The following FBXO21 variants were observed in gnomAD, a reference collection of about 807,000 sequenced individuals.
FBXO21 encodes F-box protein 21.
Under a neutral mutation model 76.6 loss-of-function variants are expected in FBXO21, and 32 were observed. The ratio of observed to expected loss-of-function variants is 0.42; its 90% CI spans 0.32 to 0.56. The LOEUF (loss-of-function observed/expected upper bound fraction) is 0.56. Among genes scored for constraint, FBXO21 ranks in the 20% least tolerant of loss-of-function variants. The probability of loss-of-function intolerance (pLI) is 0.16; values close to 1 mark genes in which losing one functional copy is unlikely to be tolerated. For missense variants in FBXO21, 586 were observed against 797.3 expected, an observed-to-expected ratio of 0.73 and a Z score of 3.19; for synonymous variants, 328 against 311.5, an observed-to-expected ratio of 1.05 and a Z score of -0.56.
At chr12:117,179,305 C>A (rs922950944) in intron 3 of FBXO21, among the ~76,000 whole-genome samples, 30 of 152,150 alleles carry the variant, frequency 2.0e-4, no homozygotes, top group Admixed American at 2.0e-3. Flanking sequence ...CCCTCCGGGG[C>A]CCCCCGCAAC....
At chr12:117,181,599 GTCTATCTATCTATCTATCTA>G (rs1555242788) in intron 3 of FBXO21, among the ~76,000 whole-genome samples, 1 of 145,536 alleles carries the variant, frequency 6.9e-6, no homozygotes, top group African/African-American at 2.5e-5. Flanking sequence ...ATCTGAGACA[GTCTATCTATCTATCTATCTA>G]TCTATCTATC....
intron 3 of FBXO21, among the ~76,000 whole-genome samples, chr12:117,178,758 C>A (rs1956200688): frequency 6.6e-6 from 1 of 151,974 alleles, no homozygotes; most frequent in African/African-American, 2.4e-5. Context: ...TGAGTAAGGC[C>A]CCCTACATTA....
rs1176787945 is a variant in FBXO21, at chr12:117,145,398, G to A, written c.*689C>T. 1 of 151,802 alleles carries A rather than the reference G, an allele frequency of 6.6e-6. No individual in the cohort carries two copies. The highest frequency in any genetic ancestry group is 1.5e-5 in the Non-Finnish European group (1 of 67,986). 9.4% of individuals were successfully genotyped at this position (151,802 alleles called of 1,614,324 possible). On this transcript the variant is annotated 3_prime_UTR_variant, in exon 12 of 12. Transcript: ENST00000622495. The stretch of plus-strand genomic sequence containing the variant: ...TAGAAAACTAATGATTTATAGAGAT[G>A]TGCATAAACTCAAGAGAGGAATATG...
chr12:117,149,426 T>C (rs1276151532), intron 11 of FBXO21, among the ~76,000 whole-genome samples: 1 of 152,124 alleles, frequency 6.6e-6, no homozygotes, highest in Non-Finnish European at 1.5e-5. Flanking sequence ...AAACAGGACA[T>C]AGGTATCTGA....
intron 11 of FBXO21, 89 bp downstream of exon 11, chr12:117,155,701 GC>G: frequency 7.2e-7 from 1 of 1,397,648 alleles, no homozygotes; most frequent in Non-Finnish European, 9.7e-7. Context: ...GGAACCGATG[GC>G]CCACGCCCAC....
chr12:117,183,846 T>C (rs1287308671), intron 3 of FBXO21, among the ~76,000 whole-genome samples: 1 of 152,240 alleles, frequency 6.6e-6, no homozygotes, highest in East Asian at 1.9e-4. Context: ...TTTCATCCTT[T>C]GGAAAAATGT....
At position 117,190,262 on chromosome 12, in the gene FBXO21, C is replaced by T. The variant is rs1375572789; in HGVS notation, c.195G>A (p.Leu65=). Reference sequence around the variant, plus strand: ...TCCACACCTTCCCGCTGCTCTGGCACAGCTCGCGCAGCCGCCGGCAGGTGC... The same window carrying T: ...TCCACACCTTCCCGCTGCTCTGGCATAGCTCGCGCAGCCGCCGGCAGGTGC... ...VSSTCRRLRE[L]CQSSGKVWKE... is the part of the protein sequence containing the mutation. The change falls in exon 1 of 12, where the codon CTG becomes CTA. Residue 65 remains leucine, a synonymous_variant. Transcript: ENST00000622495. The T allele has an allele frequency of 2.6e-6, 4 of 1,545,930 alleles. No homozygotes were observed. The highest frequency in any genetic ancestry group is 3.5e-6 in the Non-Finnish European group (4 of 1,156,494).
chr12:117,180,614 C>T lies in FBXO21; in HGVS notation c.471-2973G>A, dbSNP rs1470535396. On this transcript the variant is annotated intron_variant, in intron 3 of 11. Transcript: ENST00000622495. ...CACACCAGCCCTCAGAATAACAAGA[C>T]TAATGTTTTCATCACTTTTTTTTTT... 2.6e-5 allele frequency among the ~76,000 whole-genome samples: 4 copies of T among 151,944 alleles called. No individual in the cohort carries two copies. In the South Asian group the frequency reaches 6.4e-4, roughly 24 times the overall value.
At chr12:117,162,576 G>A (rs1362503228) in intron 9 of FBXO21, among the ~76,000 whole-genome samples, 3 of 152,136 alleles carry the variant, frequency 2.0e-5, no homozygotes, top group Non-Finnish European at 4.4e-5. Flanking sequence ...CCATACAGCC[G>A]TCATAACCCT....
At chr12:117,168,335 C>A (rs1046447134) in intron 7 of FBXO21, among the ~76,000 whole-genome samples, 1 of 152,078 alleles carries the variant, frequency 6.6e-6, no homozygotes, top group Non-Finnish European at 1.5e-5. Context: ...ACCATCCTGG[C>A]CAACATTGTG....
At chr12:117,177,085 G>A (rs1956183651) in intron 4 of FBXO21, among the ~76,000 whole-genome samples, 1 of 152,086 alleles carries the variant, frequency 6.6e-6, no homozygotes, top group South Asian at 2.1e-4. Flanking sequence ...TTTCATTACG[G>A]ACAAGCAGAC....
At position 117,163,504 on chromosome 12, in the gene FBXO21, G is replaced by A. The variant is rs143569602; in HGVS notation, c.1326+1981C>T. On this transcript the variant is annotated intron_variant, in intron 9 of 11. Coordinates refer to ENST00000622495, the MANE Select transcript of FBXO21 (RefSeq NM_015002.3). Reference sequence around the variant, plus strand: ...GCCAAGATTGCGCCACTGCACTCCAGCCTGGGCAAGAGAGTGAGACTGTCT... The same window carrying A: ...GCCAAGATTGCGCCACTGCACTCCAACCTGGGCAAGAGAGTGAGACTGTCT... 5.3e-3 allele frequency among the ~76,000 whole-genome samples: 802 copies of A among 152,334 alleles called. 5 individuals are homozygous for A. Among genetic ancestry groups the A allele is most frequent in the African/African-American group, 0.018 (743 of 41,576 alleles).
chr12:117,149,769 C>A (rs934880849), intron 11 of FBXO21, among the ~76,000 whole-genome samples: 1 of 152,172 alleles, frequency 6.6e-6, no homozygotes, highest in Non-Finnish European at 1.5e-5. Context: ...TATGTATTAT[C>A]GAGGGACAGC....
chr12:117,178,566 C>T (rs1369066392), intron 3 of FBXO21, among the ~76,000 whole-genome samples: 3 of 152,072 alleles, frequency 2.0e-5, no homozygotes, highest in Non-Finnish European at 2.9e-5. Flanking sequence ...ACTCTCGCCC[C>T]ATTACCTCTC....
chr12:117,173,357 T>C (rs1461171309), intron 6 of FBXO21, among the ~76,000 whole-genome samples: 1 of 152,188 alleles, frequency 6.6e-6, no homozygotes, highest in Non-Finnish European at 1.5e-5. Flanking sequence ...CTGCCTGGCC[T>C]GTTACAGGAA....
chr12:117,174,575 T>A, intron 5 of FBXO21, 76 bp downstream of exon 5: 1 of 1,524,684 alleles, frequency 6.6e-7, no homozygotes, highest in Non-Finnish European at 9.0e-7. Flanking sequence ...GGCAGCACAC[T>A]AACAAATCTC....
At chr12:117,159,141 A>G (rs1200777627) in intron 9 of FBXO21, among the ~76,000 whole-genome samples, 1 of 152,170 alleles carries the variant, frequency 6.6e-6, no homozygotes, top group Non-Finnish European at 1.5e-5. Context: ...AGTTTTATGC[A>G]CCATGTTATT....
chr12:117,158,519 G>GA (rs543350193), intron 9 of FBXO21, among the ~76,000 whole-genome samples: 12 of 151,030 alleles, frequency 7.9e-5, no homozygotes, highest in South Asian at 4.2e-4. Context: ...ATTCAGAGGG[G>GA]AAAAAAAAAT....
intron 8 of FBXO21, among the ~76,000 whole-genome samples, chr12:117,165,835 A>C (rs911281358): frequency 5.3e-5 from 8 of 152,226 alleles, no homozygotes; most frequent in African/African-American, 1.9e-4. Flanking sequence ...ATGGGTACTA[A>C]ATTAAAATCA....
Sources: allele counts gnomAD v4.1 joint callset (sites outside exome capture counted in the v4.1 genomes callset), GRCh38; gene constraint gnomAD v4.1.1; transcripts MANE v1.5; gene names NCBI Gene and HGNC (gene_info 2026-07-23, HGNC 2026-07-21).